Variants in HECA observed in about 807,000 individuals in gnomAD.
The protein encoded by HECA is headcase protein homolog.
A neutral mutation model predicts 37.6 loss-of-function variants in HECA; 13 were observed. The observed-to-expected ratio is 0.35, with a 90% CI of 0.23 to 0.55. HECA has a LOEUF of 0.55. HECA is among the 20% of genes least tolerant of loss of function. The pLI, the probability that HECA is intolerant of heterozygous loss-of-function variation, is 0.90. For missense variants in HECA, 527 were observed against 701.9 expected, an observed-to-expected ratio of 0.75 and a Z score of 2.82; for synonymous variants, 307 against 291.5, an observed-to-expected ratio of 1.05 and a Z score of -0.54.
chr6:139,148,101 T>C (rs1774607472), intron 1 of HECA, among the ~76,000 whole-genome samples: 1 of 152,248 alleles, frequency 6.6e-6, no homozygotes, highest in South Asian at 2.1e-4. Flanking sequence ...TTTTCTTGTT[T>C]GTGATTTTTG....
At chr6:139,164,078 A>T (rs375034392) in intron 1 of HECA, among the ~76,000 whole-genome samples, 4 of 78,548 alleles carry the variant, frequency 5.1e-5, no homozygotes, top group African/African-American at 1.4e-4. Context: ...ACACACACAC[A>T]CACTCTCTCT....
chr6:139,170,368 AACTT>A (rs1416338377), intron 2 of HECA: 1 of 152,200 alleles, frequency 6.6e-6, no homozygotes, highest in Non-Finnish European at 1.5e-5. Flanking sequence ...AAATGTAACT[AACTT>A]ACCAGGCTTA....
intron 2 of HECA, among the ~76,000 whole-genome samples, chr6:139,168,796 G>A (rs1212084982): frequency 6.6e-6 from 1 of 152,196 alleles, no homozygotes; most frequent in Non-Finnish European, 1.5e-5. Flanking sequence ...CAACGTCTGA[G>A]AATATCCTGA....
intron 1 of HECA, among the ~76,000 whole-genome samples, chr6:139,148,839 T>C (rs957533765): frequency 6.6e-6 from 1 of 152,180 alleles, no homozygotes; most frequent in Non-Finnish European, 1.5e-5. Context: ...CACTCACTGC[T>C]GTCGAGTCAA....
At chr6:139,138,984 C>A (rs1292489345) in intron 1 of HECA, among the ~76,000 whole-genome samples, 1 of 152,136 alleles carries the variant, frequency 6.6e-6, no homozygotes, top group East Asian at 1.9e-4. Context: ...TTCCATTAGG[C>A]CTCTACATTT....
At chr6:139,140,435 A>G (rs1774499270) in intron 1 of HECA, among the ~76,000 whole-genome samples, 3 of 152,200 alleles carry the variant, frequency 2.0e-5, no homozygotes, top group African/African-American at 7.2e-5. Context: ...TCATGCATCA[A>G]AGATTCTTCC....
In HECA at chr6:139,158,831, T is replaced by C. The variant is rs1224425516; in HGVS notation, c.272-7453T>C. On this transcript the variant is annotated intron_variant, in intron 1 of 3. Transcript: ENST00000367658. ...GCCCATGCCTATAATCCCAGCACTT[T>C]GGGAGGCCAAGGTAGGCAGATCACT... Among the ~76,000 whole-genome samples the C allele has an allele frequency of 9.8e-4, 149 of 152,284 alleles. 4 individuals are homozygous for C. The highest frequency in any genetic ancestry group is 1.6e-4 in the Non-Finnish European group (11 of 68,018).
chr6:139,174,537 C>A lies in HECA; in HGVS notation c.1465C>A (p.Gln489Lys). The change falls in exon 3 of 4, where the codon CAG (glutamine) becomes AAG (lysine). Residue 489 changes from glutamine (Q) to lysine (K), a missense_variant and splice_region_variant. Transcript: ENST00000367658. ...CATCCTGGCTGCCTCTCCATGTTGT[C>A]AGGTAGGTACTGAACACACTGAGGG... is the stretch of plus-strand genomic sequence containing the variant. The part of the protein sequence containing the change: ...YDILAASPCC[Q>K]ARLNCKHCGK... 6.2e-7 allele frequency: 1 copy of A among 1,613,780 alleles called. No homozygotes were observed. Among genetic ancestry groups the A allele is most frequent in the South Asian group, 1.1e-5 (1 of 90,996 alleles).
chr6:139,163,592 G>A (rs962170061), intron 1 of HECA, among the ~76,000 whole-genome samples: 7 of 152,152 alleles, frequency 4.6e-5, no homozygotes, highest in Admixed American at 2.0e-4. Context: ...GACCTCAGGT[G>A]ATCCACCCGC....
At chr6:139,163,440 C>T (rs1362800217) in intron 1 of HECA, among the ~76,000 whole-genome samples, 6 of 151,220 alleles carry the variant, frequency 4.0e-5, no homozygotes, top group Non-Finnish European at 7.4e-5. Context: ...CTACAACCTT[C>T]GTCTTCCAAT....
chr6:139,163,813 G>A (rs375325081), intron 1 of HECA, among the ~76,000 whole-genome samples: 8 of 151,966 alleles, frequency 5.3e-5, no homozygotes, highest in Non-Finnish European at 7.4e-5. Context: ...CACTCCTCCC[G>A]TTTTTCTTGG....
intron 3 of HECA, among the ~76,000 whole-genome samples, chr6:139,175,659 G>A (rs1775041689): frequency 1.3e-5 from 2 of 152,158 alleles, no homozygotes; most frequent in South Asian, 4.1e-4. Flanking sequence ...TCATACAATG[G>A]AGGCCTACAA....
intron 1 of HECA, among the ~76,000 whole-genome samples, chr6:139,136,891 C>A (rs1009430604): frequency 6.6e-6 from 1 of 152,110 alleles, no homozygotes; most frequent in Non-Finnish European, 1.5e-5. Flanking sequence ...GTCTCGGCCT[C>A]CCAAAGTGCT....
chr6:139,176,926 G>A lies in HECA; in HGVS notation c.1468-15G>A, dbSNP rs754670567. The A allele has an allele frequency of 2.3e-6, 2 of 862,872 alleles. No individual in the cohort carries two copies. Among genetic ancestry groups the A allele is most frequent in the Non-Finnish European group, 2.0e-6 (1 of 493,768 alleles). 53.5% of individuals were successfully genotyped at this position (862,872 alleles called of 1,614,324 possible). ...GTGGAGGGGTGTTGTGGCTGATGGTGTCTGTTTCCCCCAGGCCCGCCTGAA... is the reference window on the plus strand; with the variant it reads ...GTGGAGGGGTGTTGTGGCTGATGGTATCTGTTTCCCCCAGGCCCGCCTGAA... On this transcript the variant is annotated splice_polypyrimidine_tract_variant and intron_variant, in intron 3 of 3. Coordinates refer to ENST00000367658, the MANE Select transcript of HECA (RefSeq NM_016217.3). The surrounding 1 kb of genome is among the most constrained non-coding windows in gnomAD (Gnocchi z 4.5).
chr6:139,137,619 C>G (rs1296563792), intron 1 of HECA, among the ~76,000 whole-genome samples: 2 of 145,514 alleles, frequency 1.4e-5, no homozygotes, highest in African/African-American at 5.2e-5. Context: ...CTGCCCACCC[C>G]CCTACCAGCT....
rs189484959 is a variant in HECA at position 139,139,964 on chromosome 6, G to A, written c.271+4297G>A. Among the ~76,000 whole-genome samples the A allele has an allele frequency of 8.5e-5, 13 of 152,352 alleles. No homozygotes were observed. The East Asian group carries it at 2.3e-3, about 27-fold the overall frequency. ...CTAACAACTAAATAGGCTTTGTGGAGGAGACTGGGAATTAACCACCATTAT... is the reference window on the plus strand; with the variant it reads ...CTAACAACTAAATAGGCTTTGTGGAAGAGACTGGGAATTAACCACCATTAT... On this transcript the variant is annotated intron_variant, in intron 1 of 3. Coordinates refer to ENST00000367658, the MANE Select transcript of HECA (RefSeq NM_016217.3).
chr6:139,150,033 G>A (rs1774632381), intron 1 of HECA, among the ~76,000 whole-genome samples: 1 of 152,266 alleles, frequency 6.6e-6, no homozygotes, highest in African/African-American at 2.4e-5. Context: ...GCCTCACATA[G>A]TTTATATTTT....
intron 1 of HECA, among the ~76,000 whole-genome samples, chr6:139,136,074 T>C (rs762965078): frequency 7.9e-5 from 12 of 151,874 alleles, no homozygotes; most frequent in Admixed American, 2.0e-4. Flanking sequence ...TTCCCGGTGC[T>C]CCAAGGCCAC....
At chr6:139,148,757 C>T (rs1774614118) in intron 1 of HECA, among the ~76,000 whole-genome samples, 1 of 151,886 alleles carries the variant, frequency 6.6e-6, no homozygotes, top group South Asian at 2.1e-4. Context: ...TAGAGGGAGA[C>T]TCTGTCTCCA....
Sources: gnomAD v4.1 joint callset for allele counts (sites outside exome capture counted in the v4.1 genomes callset) on GRCh38, gnomAD v4.1.1 for gene constraint, Gnocchi (gnomAD v3.1) non-coding constraint, MANE v1.5 for transcripts, NCBI Gene and HGNC (gene_info 2026-07-23, HGNC 2026-07-21) for gene names.